Variants in GLIS3 observed in about 807,000 individuals in gnomAD.
The protein encoded by GLIS3 is zinc finger protein GLIS3.
GLIS3 carries 53 observed loss-of-function variants against 78.6 expected under a neutral mutation model. The ratio of observed to expected loss-of-function variants is 0.67; its 90% confidence interval spans 0.54 to 0.85. The LOEUF is 0.85. Among genes scored for constraint, GLIS3 ranks in the 40% least tolerant of loss-of-function variants. The pLI, the probability that GLIS3 is intolerant of heterozygous loss-of-function variation, is 0.00. For synonymous variants in GLIS3, 684 were observed against 509.9 expected, an observed-to-expected ratio of 1.34 and a Z score of -4.60; for missense variants, 1,703 against 1,231.1, an observed-to-expected ratio of 1.38 and a Z score of -5.74.
At chr9:3,838,133 T>G (rs190549205) in intron 9 of GLIS3, among the ~76,000 whole-genome samples, 1 of 152,182 alleles carries the variant, frequency 6.6e-6, no homozygotes, top group Non-Finnish European at 1.5e-5. Flanking sequence ...CACCAAAATA[T>G]GTATTCCATG....
At chr9:4,402,573 A>G in the GLIS3 span, among the ~76,000 whole-genome samples, 5 of 152,314 alleles carry the variant, frequency 3.3e-5, no homozygotes, top group East Asian at 3.9e-4. Context: ...GAAATTTAAC[A>G]TAACACAGAG....
intron 9 of GLIS3, among the ~76,000 whole-genome samples, chr9:3,850,097 T>G (rs979492972): frequency 1.3e-5 from 2 of 152,182 alleles, no homozygotes; most frequent in Non-Finnish European, 2.9e-5. Flanking sequence ...ACCTTCTAAT[T>G]ACAGCAGTAA....
chr9:4,189,574 G>T lies in GLIS3; in HGVS notation c.389-63633C>A, dbSNP rs374804509. ...TGTTAACTTTCTGTCTCGTTGATCT[G>T]TCTAATGTTGACAGTGGGGTGTTAA... On this transcript the variant is annotated intron_variant, in intron 2 of 10. Transcript: ENST00000381971. Among the ~76,000 whole-genome samples the T allele has an allele frequency of 5.3e-5, 8 of 152,264 alleles. No individual in the cohort carries two copies. In the East Asian group the frequency reaches 9.7e-4, roughly 18 times the overall value.
At chr9:4,269,462 C>A (rs772535197) in intron 2 of GLIS3, among the ~76,000 whole-genome samples, 5 of 152,148 alleles carry the variant, frequency 3.3e-5, no homozygotes, top group Non-Finnish European at 4.4e-5. Flanking sequence ...AAAAATATTA[C>A]GAAGTATTGT....
intron 4 of GLIS3, among the ~76,000 whole-genome samples, chr9:4,028,911 G>A (rs1823577169): frequency 6.6e-6 from 1 of 152,102 alleles, no homozygotes; most frequent in Admixed American, 6.6e-5. Flanking sequence ...TATTCCTTAT[G>A]CAAACACTGT....
At chr9:3,848,456 C>G (rs377103748) in intron 9 of GLIS3, among the ~76,000 whole-genome samples, 2 of 152,174 alleles carry the variant, frequency 1.3e-5, no homozygotes, top group East Asian at 3.8e-4. Flanking sequence ...GAGCCGAGAT[C>G]GCCCCACTGC....
intron 6 of GLIS3, among the ~76,000 whole-genome samples, chr9:3,909,830 C>T (rs1326493581): frequency 2.6e-5 from 4 of 152,174 alleles, no homozygotes; most frequent in South Asian, 4.1e-4. Context: ...ATTTCTGTGA[C>T]GATGGAAAGG....
intron 9 of GLIS3, among the ~76,000 whole-genome samples, chr9:3,840,716 G>T (rs1818659614): frequency 6.6e-6 from 1 of 152,186 alleles, no homozygotes; most frequent in Non-Finnish European, 1.5e-5. Context: ...GGAGAGATGG[G>T]TCGTAGCATG....
chr9:4,320,988 G>A (rs1308776208), intron 2 of GLIS3, among the ~76,000 whole-genome samples: 8 of 151,952 alleles, frequency 5.3e-5, no homozygotes, highest in Admixed American at 5.2e-4. Flanking sequence ...CGTTGCTTGA[G>A]AAGGCTGTAA....
At chr9:3,935,522 C>T (rs114929815) in intron 5 of GLIS3, among the ~76,000 whole-genome samples, 77 of 152,100 alleles carry the variant, frequency 5.1e-4, no homozygotes, top group African/African-American at 1.7e-3. Context: ...GAGGGCAGTG[C>T]GAAACCATAA....
intron 4 of GLIS3, among the ~76,000 whole-genome samples, chr9:4,107,702 G>C (rs1387551972): frequency 6.7e-6 from 1 of 150,042 alleles, no homozygotes; most frequent in Non-Finnish European, 1.5e-5. Flanking sequence ...AGACAATCCA[G>C]AGCAATGGAA....
rs1004839994 is a variant in GLIS3, at chr9:3,898,938, A to C, written c.1984-103T>G. ...TATCAGTGCAACTCAGCCCACAAAA[A>C]TTTATCAAGCAGCAACTACGGGTAA... On this transcript the variant is annotated intron_variant, in intron 6 of 10. Transcript: ENST00000381971. 138 of 1,491,066 alleles carry C rather than the reference A, an allele frequency of 9.3e-5. 1 individual carries two copies. The East Asian group carries it at 3.1e-3, about 33-fold the overall frequency. 92.4% of individuals were successfully genotyped at this position (1,491,066 alleles called of 1,614,324 possible). A position where few individuals can be genotyped will look rare whatever the true frequency, so the allele number is the denominator to read the frequency against.
At chr9:3,970,947 G>T (rs1001706445) in intron 4 of GLIS3, among the ~76,000 whole-genome samples, 1 of 151,682 alleles carries the variant, frequency 6.6e-6, no homozygotes, top group Non-Finnish European at 1.5e-5. Context: ...TGGGGAAGAA[G>T]AAATGGAAGG....
Position 3,826,943 on chromosome 9 carries a change from G to A in GLIS3, c.*1329C>T, listed in dbSNP as rs1312071452. 1 of 152,170 alleles carries A rather than the reference G, an allele frequency of 6.6e-6. No homozygotes were observed. The highest frequency in any genetic ancestry group is 1.5e-5 in the Non-Finnish European group (1 of 68,034). The allele number at this position is 152,170 out of a possible 1,614,324, so 9.4% of individuals were successfully genotyped here. A position where few individuals can be genotyped will look rare whatever the true frequency, so the allele number is the denominator to read the frequency against. The stretch of plus-strand genomic sequence containing the variant: ...ACTTAGGATCTGTAATAGCTATGTA[G>A]AGGTGTCACAGAAAATGACTTCCTA... On this transcript the variant is annotated 3_prime_UTR_variant, in exon 11 of 11. Coordinates refer to ENST00000381971, the MANE Select transcript of GLIS3 (RefSeq NM_001042413.2).
intron 3 of GLIS3, chr9:4,309,070 T>A (rs1220156337): frequency 6.6e-6 from 1 of 152,224 alleles, no homozygotes; most frequent in Non-Finnish European, 1.5e-5. Flanking sequence ...CTACCACACA[T>A]AATGTATGAT....
chr9:3,963,568 G>C lies in GLIS3; in HGVS notation c.1711-26379C>G, dbSNP rs530586385. On this transcript the variant is annotated intron_variant, in intron 4 of 10. Transcript: ENST00000381971. Reference sequence around the variant, plus strand: ...AGAGTAAAAGTCAGCTCTGTGCACGGGGACCATCCTCTAATGCAGAGACCA... The same window carrying C: ...AGAGTAAAAGTCAGCTCTGTGCACGCGGACCATCCTCTAATGCAGAGACCA... 3.9e-5 allele frequency among the ~76,000 whole-genome samples: 6 copies of C among 152,266 alleles called. No individual in the cohort carries two copies. The East Asian group carries it at 1.2e-3, about 29-fold the overall frequency.
intron 4 of GLIS3, among the ~76,000 whole-genome samples, chr9:4,011,721 T>C (rs1180491698): frequency 1.3e-5 from 2 of 152,238 alleles, no homozygotes; most frequent in African/African-American, 2.4e-5. Flanking sequence ...ATTACTTTCA[T>C]CTGGCCAGTT....
chr9:4,170,293 A>G (rs192452463), intron 2 of GLIS3, among the ~76,000 whole-genome samples: 2 of 152,352 alleles, frequency 1.3e-5, no homozygotes, highest in Non-Finnish European at 2.9e-5. Flanking sequence ...TTTTGGACAC[A>G]GACTTGGAAA....
At chr9:3,990,619 T>C (rs1015898165) in intron 4 of GLIS3, among the ~76,000 whole-genome samples, 2 of 152,138 alleles carry the variant, frequency 1.3e-5, no homozygotes, top group African/African-American at 4.8e-5. Context: ...ATTGTGTGAA[T>C]CCCTACTTCT....
Sources: gnomAD v4.1 joint callset for allele counts (sites outside exome capture counted in the v4.1 genomes callset) on GRCh38, gnomAD v4.1.1 for gene constraint, MANE v1.5 for transcripts, NCBI Gene and HGNC (gene_info 2026-07-23, HGNC 2026-07-21) for gene names.